The following KANK2 variants were observed in gnomAD, a reference collection of about 807,000 sequenced individuals.
The protein encoded by KANK2 is KN motif and ankyrin repeat domain-containing protein 2.
A neutral mutation model predicts 74.6 loss-of-function variants in KANK2; 41 were observed. The ratio of observed to expected loss-of-function variants is 0.55; its 90% CI spans 0.43 to 0.71. The LOEUF (loss-of-function observed/expected upper bound fraction) is 0.71. Among genes scored for constraint, KANK2 ranks in the 30% least tolerant of loss-of-function variants. KANK2 has a pLI of 0.00. For synonymous variants in KANK2, 537 were observed against 519.0 expected (o/e 1.03, Z -0.47); for missense variants, 1,148 against 1,196.4 (o/e 0.96, Z 0.60).
chr19:11,194,507 G>T lies in KANK2; in HGVS notation c.5C>A (p.Ala2Asp). The T allele has an allele frequency of 6.2e-7, 1 of 1,612,400 alleles. No individual in the cohort carries two copies. The highest frequency in any genetic ancestry group is 8.5e-7 in the Non-Finnish European group (1 of 1,179,136). Residue 2 changes from alanine to aspartate, a missense_variant, in exon 3 of 13, where the codon GCC (alanine) becomes GAC (aspartate). Coordinates refer to ENST00000586659, the MANE Select transcript of KANK2 (RefSeq NM_001136191.3). M[A>D]QVLHVPAPFP... ...GGGAGCAGGCACGTGCAGGACCTGG[G>T]CCATCTTCTTTTCTACAGATGCTCC...
Position 11,194,623 on chromosome 19 carries a change from G to A in KANK2, c.-79-33C>T. 2 of 818,490 alleles carry A rather than the reference G, an allele frequency of 2.4e-6. 1 individual carries two copies. The highest frequency in any genetic ancestry group is 4.2e-6 in the Non-Finnish European group (2 of 479,390). The allele number at this position is 818,490 out of a possible 1,614,324, so 50.7% of individuals were successfully genotyped here. On this transcript the variant is annotated intron_variant, in intron 2 of 12. Transcript: ENST00000586659. Reference sequence around the variant, plus strand: ...AAGAGAACCACGGCGCCGGGAGTTAGGAGTCTGTAGGGGGAGGGGAGGAGA... The same window carrying A: ...AAGAGAACCACGGCGCCGGGAGTTAAGAGTCTGTAGGGGGAGGGGAGGAGA...
intron 2 of KANK2, chr19:11,195,279 G>A (rs1378358346): frequency 6.6e-6 from 1 of 152,218 alleles, no homozygotes; most frequent in Non-Finnish European, 1.5e-5. Context: ...TAGGGATAGA[G>A]GGCCGGGTGG....
chr19:11,173,579 G>A (rs534946053), intron 9 of KANK2, among the ~76,000 whole-genome samples: 3 of 152,306 alleles, frequency 2.0e-5, no homozygotes, highest in African/African-American at 7.2e-5. Flanking sequence ...TCTTAGACCA[G>A]GGCTCCAGAG....
intron 10 of KANK2, 60 bp downstream of exon 10, chr19:11,172,921 G>A (rs2078217700): frequency 6.3e-7 from 1 of 1,576,140 alleles, no homozygotes; most frequent in Non-Finnish European, 8.6e-7. Context: ...CTGTCACTCA[G>A]CTGGGATGTC....
At chr19:11,182,602 G>A (rs576552896) in intron 4 of KANK2, among the ~76,000 whole-genome samples, 11 of 150,916 alleles carry the variant, frequency 7.3e-5, no homozygotes, top group Admixed American at 2.7e-4. Context: ...CCAGGACTTT[G>A]GGAGGCCAAG....
At chr19:11,175,880 T>C in intron 8 of KANK2, 22 bp downstream of exon 8, 1 of 1,605,884 alleles carries the variant, frequency 6.2e-7, no homozygotes, top group Non-Finnish European at 8.5e-7. Flanking sequence ...GTGGCCAACC[T>C]AGGCCCAGGG....
In KANK2 at chr19:11,166,528, C is replaced by T. The variant is rs372922788; in HGVS notation, c.*30G>A. 8.7e-6 allele frequency: 14 copies of T among 1,606,804 alleles called. No homozygotes were observed. Among genetic ancestry groups the T allele is most frequent in the East Asian group, 6.7e-5 (3 of 44,860 alleles). ...ACGGGGACAAGGGACGGTTTGCTCC[C>T]GGTCTGGCTGGTCCCCGCCTCCCTC... is the stretch of plus-strand genomic sequence containing the variant. On this transcript the variant is annotated 3_prime_UTR_variant, in exon 13 of 13. Coordinates refer to ENST00000586659, the MANE Select transcript of KANK2 (RefSeq NM_001136191.3).
In KANK2 at chr19:11,165,651, A is replaced by G. The variant is rs2078008727; in HGVS notation, c.*907T>C. The G allele has an allele frequency of 6.6e-6, 1 of 151,902 alleles. No individual in the cohort carries two copies. The highest frequency in any genetic ancestry group is 1.5e-5 in the Non-Finnish European group (1 of 68,028). 9.4% of individuals were successfully genotyped at this position (151,902 alleles called of 1,614,324 possible). A position where few individuals can be genotyped will look rare whatever the true frequency, so the allele number is the denominator to read the frequency against. ...CAATGGTGTGATCATAGCTCACTGT[A>G]GCCTCGACCTCCAGGGCTCAGCCTC... On this transcript the variant is annotated 3_prime_UTR_variant, in exon 13 of 13. Transcript: ENST00000586659.
At chr19:11,187,029 G>A (rs888330142) in intron 4 of KANK2, among the ~76,000 whole-genome samples, 9 of 152,048 alleles carry the variant, frequency 5.9e-5, no homozygotes, top group African/African-American at 1.4e-4. Context: ...AGGCCAAGGC[G>A]GACAGATCAT....
chr19:11,176,873 G>C, intron 6 of KANK2, 56 bp from the exon 7 acceptor site: 1 of 1,481,362 alleles, frequency 6.8e-7, no homozygotes, highest in Non-Finnish European at 8.9e-7. Flanking sequence ...AGAAATGGTG[G>C]GAAAGGAAGG....
At chr19:11,188,650 C>CTTT (rs1449588376) in intron 4 of KANK2, among the ~76,000 whole-genome samples, 15 of 151,126 alleles carry the variant, frequency 9.9e-5, no homozygotes, top group Non-Finnish European at 2.1e-4. Context: ...ATTGTTTTTT[C>CTTT]CACCTCTTCT....
intron 1 of KANK2, chr19:11,196,231 T>C (rs1476125234): frequency 1.3e-5 from 2 of 152,348 alleles, no homozygotes; most frequent in East Asian, 3.9e-4. Flanking sequence ...GCTAATTCTG[T>C]ATTTTTAGTA....
chr19:11,189,829 C>T (rs2078789283), intron 4 of KANK2, among the ~76,000 whole-genome samples: 1 of 152,172 alleles, frequency 6.6e-6, no homozygotes, highest in Non-Finnish European at 1.5e-5. Flanking sequence ...CTGGGAGGCA[C>T]GTCTGGAATG....
rs1295670604 is a variant in KANK2, at chr19:11,178,624, G to A, written c.1346C>T (p.Thr449Ile). The change falls in exon 5 of 13, where the codon ACC becomes ATC. Residue 449 changes from threonine to isoleucine, a missense_variant. Transcript: ENST00000586659. ...QPEKSTGRVP[T>I]QEPTHREPTR... ...GGGCTCCCTGTGGGTGGGCTCCTGG[G>A]TGGGCACTCGGCCTGTGCTCTTCTC... The A allele has an allele frequency of 1.3e-6, 2 of 1,597,466 alleles. No individual in the cohort carries two copies. The highest frequency in any genetic ancestry group is 8.5e-7 in the Non-Finnish European group (1 of 1,173,886).
intron 4 of KANK2, among the ~76,000 whole-genome samples, chr19:11,186,653 C>T (rs890404861): frequency 6.6e-6 from 1 of 152,020 alleles, no homozygotes; most frequent in East Asian, 1.9e-4. Flanking sequence ...GAGCCAAGAT[C>T]ACACCACTGC....
intron 6 of KANK2, among the ~76,000 whole-genome samples, chr19:11,178,010 A>T (rs2078394277): frequency 1.3e-5 from 2 of 152,056 alleles, no homozygotes. Flanking sequence ...TCACGGCTCC[A>T]ACCACCCATC....
intron 6 of KANK2, 139 bp from the exon 7 acceptor site, chr19:11,176,956 G>C: frequency 9.9e-7 from 1 of 1,015,072 alleles, no homozygotes; most frequent in Non-Finnish European, 1.4e-6. Context: ...GACATTCCAG[G>C]GTTGTGGGAT....
chr19:11,176,137 T>A (rs373734875), intron 7 of KANK2, 148 bp from the exon 8 acceptor site: 1 of 599,686 alleles, frequency 1.7e-6, no homozygotes, highest in South Asian at 2.4e-5. Flanking sequence ...CACATTTACA[T>A]TGCACCCCAA....
intron 4 of KANK2, among the ~76,000 whole-genome samples, chr19:11,188,271 C>T (rs1461269982): frequency 1.3e-5 from 2 of 151,612 alleles, no homozygotes; most frequent in Admixed American, 6.6e-5. Flanking sequence ...TGCAGCAATG[C>T]GAGCTCAGCT....
Sources: gnomAD v4.1 joint callset for allele counts (sites outside exome capture counted in the v4.1 genomes callset) on GRCh38, gnomAD v4.1.1 for gene constraint, MANE v1.5 for transcripts, NCBI Gene and HGNC (gene_info 2026-07-23, HGNC 2026-07-21) for gene names.